Variants in UTS2B observed in about 807,000 individuals in gnomAD.
The protein encoded by UTS2B is urotensin-2B.
Under a neutral mutation model 19.2 loss-of-function variants are expected in UTS2B, and 21 were observed. The ratio of observed to expected loss-of-function variants is 1.09; its 90% CI spans 0.78 to 1.58. The LOEUF (loss-of-function observed/expected upper bound fraction) is 1.58. UTS2B is among the 40% of genes most tolerant of loss of function. UTS2B has a pLI of 0.00. For missense variants in UTS2B, 138 were observed against 130.3 expected, an observed-to-expected ratio of 1.06 and a Z score of -0.29; for synonymous variants, 57 against 50.2, an observed-to-expected ratio of 1.14 and a Z score of -0.58.
At chr3:191,345,186 T>C in the UTS2B span, among the ~76,000 whole-genome samples, 2 of 152,338 alleles carry the variant, frequency 1.3e-5, no homozygotes, top group South Asian at 4.1e-4. Flanking sequence ...AGACAAGGTC[T>C]AAGTCTTAAC....
In UTS2B at chr3:191,282,269, T is replaced by C; in HGVS notation, c.-80A>G. The C allele has an allele frequency of 7.6e-6, 8 of 1,055,576 alleles. No homozygotes were observed. The highest frequency in any genetic ancestry group is 9.7e-6 in the Non-Finnish European group (7 of 725,056). 65.4% of individuals were successfully genotyped at this position (1,055,576 alleles called of 1,614,324 possible). On this transcript the variant is annotated 5_prime_UTR_variant, in exon 5 of 9. Coordinates refer to ENST00000340524, the MANE Select transcript of UTS2B (RefSeq NM_198152.5). ...ATATTTCTATAGCTTTGGAATTCAG[T>C]AGAGCTTAGTTGCAAAAGGCAAGTG... is the stretch of plus-strand genomic sequence containing the variant.
intron 4 of UTS2B, among the ~76,000 whole-genome samples, chr3:191,301,483 A>ATC (rs1448918101): frequency 7.9e-5 from 9 of 113,834 alleles, no homozygotes; most frequent in Non-Finnish European, 1.5e-4. Flanking sequence ...ATTTTTGGTA[A>ATC]TTTTTTTTTT....
chr3:191,319,705 A>C (rs1373646319), intron 2 of UTS2B, among the ~76,000 whole-genome samples: 6 of 147,140 alleles, frequency 4.1e-5, no homozygotes, highest in East Asian at 4.0e-4. Context: ...TAAAAATACA[A>C]AAAAAAAAAA....
intron 2 of UTS2B, among the ~76,000 whole-genome samples, chr3:191,326,243 T>C (rs986546410): frequency 4.6e-5 from 7 of 152,216 alleles, no homozygotes; most frequent in African/African-American, 1.2e-4. Context: ...CAAATATTTA[T>C]TGAGTGCCTA....
chr3:191,335,868 G>A, the UTS2B span, among the ~76,000 whole-genome samples: 1 of 151,576 alleles, frequency 6.6e-6, no homozygotes, highest in Non-Finnish European at 1.5e-5. Context: ...GTGTAGTCTT[G>A]GAACCACCAC....
intron 8 of UTS2B, among the ~76,000 whole-genome samples, chr3:191,272,860 T>C (rs1270497289): frequency 1.8e-5 from 2 of 110,846 alleles, no homozygotes; most frequent in East Asian, 2.4e-4. Context: ...CAAAACTCCG[T>C]CTAAAAAAAA....
chr3:191,274,558 T>C lies in UTS2B; in HGVS notation c.334+694A>G, dbSNP rs185944192. Among the ~76,000 whole-genome samples, 1,360 of 152,302 alleles carry C rather than the reference T, an allele frequency of 8.9e-3. 12 individuals carry two copies. Among genetic ancestry groups the C allele is most frequent in the Non-Finnish European group, 0.014 (963 of 68,016 alleles). ...AGAGTCTGAATGCTTAATGACTATATTTTGAGACATTAAAATATAAAATGT... is the reference window on the plus strand; with the variant it reads ...AGAGTCTGAATGCTTAATGACTATACTTTGAGACATTAAAATATAAAATGT... On this transcript the variant is annotated intron_variant, in intron 8 of 8. Coordinates refer to ENST00000340524, the MANE Select transcript of UTS2B (RefSeq NM_198152.5).
At chr3:191,340,992 AT>A in the UTS2B span, among the ~76,000 whole-genome samples, 328 of 145,578 alleles carry the variant, frequency 2.3e-3, no homozygotes, top group Middle Eastern at 3.5e-3. Flanking sequence ...CAGCTAATTA[AT>A]TTTTTTTTTT....
chr3:191,324,560 C>CT (rs1655236862), intron 2 of UTS2B, among the ~76,000 whole-genome samples: 2 of 152,290 alleles, frequency 1.3e-5, no homozygotes, highest in South Asian at 4.1e-4. Context: ...GAAGTTTCCC[C>CT]TACACAAGCT....
intron 8 of UTS2B, among the ~76,000 whole-genome samples, chr3:191,274,462 G>A (rs530466739): frequency 2.8e-4 from 43 of 152,272 alleles, no homozygotes; most frequent in Admixed American, 8.5e-4. Flanking sequence ...ATGAGGCAGA[G>A]AAAATTAGAT....
chr3:191,346,122 C>G, the UTS2B span, among the ~76,000 whole-genome samples: 1 of 152,088 alleles, frequency 6.6e-6, no homozygotes, highest in Non-Finnish European at 1.5e-5. Flanking sequence ...CATATGTGGG[C>G]TTTACTTTTG....
chr3:191,340,384 A>G, the UTS2B span, among the ~76,000 whole-genome samples: 1 of 152,224 alleles, frequency 6.6e-6, no homozygotes, highest in Non-Finnish European at 1.5e-5. Flanking sequence ...CTAAAGTGTC[A>G]TGGAGATTTA....
chr3:191,334,857 T>A (rs1324210847), upstream of UTS2B, among the ~76,000 whole-genome samples: 1 of 152,174 alleles, frequency 6.6e-6, no homozygotes, highest in Non-Finnish European at 1.5e-5. Flanking sequence ...TAATGTATCA[T>A]ATGGATGCTG....
At chr3:191,299,163 T>C (rs1400680565) in intron 4 of UTS2B, among the ~76,000 whole-genome samples, 1 of 152,200 alleles carries the variant, frequency 6.6e-6, no homozygotes, top group Non-Finnish European at 1.5e-5. Flanking sequence ...CTCAGCCATA[T>C]AGTAGAAAAG....
At chr3:191,330,294 AAAACAC>A (rs757942773) in intron 1 of UTS2B, 114 bp downstream of exon 1, 1 of 104,120 alleles carries the variant, frequency 9.6e-6, no homozygotes, top group Non-Finnish European at 1.8e-5. Context: ...TCTTACAAAC[AAAACAC>A]ACACACACAC....
At chr3:191,338,454 T>C in the UTS2B span, among the ~76,000 whole-genome samples, 2 of 152,220 alleles carry the variant, frequency 1.3e-5, no homozygotes, top group Non-Finnish European at 1.5e-5. Context: ...TTTGCCTTAA[T>C]ATCTGGGCCG....
chr3:191,324,713 C>G (rs557116313), intron 2 of UTS2B, among the ~76,000 whole-genome samples: 2 of 152,082 alleles, frequency 1.3e-5, no homozygotes, highest in African/African-American at 4.8e-5. Flanking sequence ...TTATTAGCAG[C>G]GTGAGAATAG....
intron 2 of UTS2B, chr3:191,328,404 C>T (rs564790946): frequency 6.6e-6 from 1 of 152,478 alleles, no homozygotes; most frequent in African/African-American, 2.4e-5. Flanking sequence ...CTCCCTTTCT[C>T]TTCTCTTTGC....
At chr3:191,321,214 T>C (rs1324919842) in intron 2 of UTS2B, among the ~76,000 whole-genome samples, 1 of 151,058 alleles carries the variant, frequency 6.6e-6, no homozygotes, top group Non-Finnish European at 1.5e-5. Flanking sequence ...GGGGTGGGAG[T>C]GGTTAGTTTT....
Sources: allele counts gnomAD v4.1 joint callset (sites outside exome capture counted in the v4.1 genomes callset), GRCh38; gene constraint gnomAD v4.1.1; transcripts MANE v1.5; gene names NCBI Gene and HGNC (gene_info 2026-07-23, HGNC 2026-07-21).